The following FGF12 variants were observed in gnomAD, a reference collection of about 807,000 sequenced individuals.
FGF12 encodes fibroblast growth factor 12, also known as fibroblast growth factor 12B.
A neutral mutation model predicts 23.6 loss-of-function variants in FGF12; 14 were observed. That is an observed-to-expected ratio of 0.59 (90% CI 0.39 to 0.93). The LOEUF (loss-of-function observed/expected upper bound fraction) is 0.93. Among genes scored for constraint, FGF12 ranks in the 40% least tolerant of loss-of-function variants. The pLI, the probability that FGF12 is intolerant of heterozygous loss-of-function variation, is 0.00. For synonymous variants in FGF12, 62 were observed against 77.3 expected, an observed-to-expected ratio of 0.80 and a Z score of 1.04; for missense variants, 175 against 217.8, an observed-to-expected ratio of 0.80 and a Z score of 1.24.
At chr3:192,462,697 C>T (rs1283089201) in intron 2 of FGF12, among the ~76,000 whole-genome samples, 4 of 152,110 alleles carry the variant, frequency 2.6e-5, no homozygotes, top group African/African-American at 9.7e-5. Flanking sequence ...TTTAATATGA[C>T]AGTTCACTGA....
At chr3:192,346,714 G>T (rs1281893651) in intron 3 of FGF12, among the ~76,000 whole-genome samples, 1 of 152,116 alleles carries the variant, frequency 6.6e-6, no homozygotes, top group Non-Finnish European at 1.5e-5. Flanking sequence ...TGTGGTAGCT[G>T]CCTGAAACAA....
At position 192,727,168 on chromosome 3, in the gene FGF12, G is replaced by T; in HGVS notation, c.13+13C>A. On this transcript the variant is annotated intron_variant, in intron 2 of 5. Transcript: ENST00000445105. Reference sequence around the variant, plus strand: ...ATGCAGCGGGAAGTCCCCCGATAGGGACAACCACATACCTTTGCTCTCCAT... The same window carrying T: ...ATGCAGCGGGAAGTCCCCCGATAGGTACAACCACATACCTTTGCTCTCCAT... 1 of 1,576,664 alleles carries T rather than the reference G, an allele frequency of 6.3e-7. No individual in the cohort carries two copies. Among genetic ancestry groups the T allele is most frequent in the Non-Finnish European group, 8.6e-7 (1 of 1,161,046 alleles).
At chr3:192,488,514 A>T (rs545968737) in intron 2 of FGF12, among the ~76,000 whole-genome samples, 1 of 152,170 alleles carries the variant, frequency 6.6e-6, no homozygotes, top group East Asian at 1.9e-4. Context: ...TATCAATACC[A>T]CATTGGAAAT....
chr3:192,356,675 T>C (rs1163671865), intron 3 of FGF12, among the ~76,000 whole-genome samples: 15 of 152,228 alleles, frequency 9.9e-5, no homozygotes, highest in Admixed American at 8.5e-4. Context: ...CTGTGAAATA[T>C]ACCATGGTAA....
chr3:192,634,493 C>T (rs1315495910), intron 2 of FGF12, among the ~76,000 whole-genome samples: 1 of 152,152 alleles, frequency 6.6e-6, no homozygotes, highest in Admixed American at 6.5e-5. Context: ...AGGACTTGCG[C>T]ATCCATGGAT....
intron 4 of FGF12, among the ~76,000 whole-genome samples, chr3:192,330,280 A>C (rs1383608097): frequency 1.3e-5 from 2 of 152,188 alleles, no homozygotes; most frequent in Non-Finnish European, 2.9e-5. Flanking sequence ...CCATCTTAAG[A>C]AAAAATAAAT....
chr3:192,659,516 A>G (rs895777440), intron 2 of FGF12, among the ~76,000 whole-genome samples: 2 of 152,142 alleles, frequency 1.3e-5, no homozygotes, highest in African/African-American at 2.4e-5. Context: ...TCCCACATAT[A>G]TTACAATAAG....
chr3:192,155,763 C>G (rs978118129), intron 5 of FGF12, among the ~76,000 whole-genome samples: 2 of 152,162 alleles, frequency 1.3e-5, no homozygotes, highest in African/African-American at 4.8e-5. Context: ...TTAGGGGAAA[C>G]CTTTAGCAAG....
At chr3:192,288,126 G>C (rs956563943) in intron 4 of FGF12, among the ~76,000 whole-genome samples, 5 of 152,044 alleles carry the variant, frequency 3.3e-5, no homozygotes, top group African/African-American at 1.2e-4. Flanking sequence ...CATAACTTTG[G>C]GTAGAAGTGA....
Position 192,509,062 on chromosome 3 carries a change from G to GTT in FGF12, c.14-148526_14-148525dup, listed in dbSNP as rs111442568. Reference sequence around the variant, plus strand: ...ACCTAGATACAATCAATCCTGAAGGGTTTTTTTTTTTGCTAAATTGGAAAA... The same window carrying GTT: ...ACCTAGATACAATCAATCCTGAAGGGTTTTTTTTTTTTTGCTAAATTGGAAAA... On this transcript the variant is annotated intron_variant, in intron 2 of 5. Transcript: ENST00000445105. Among the ~76,000 whole-genome samples the GTT allele has an allele frequency of 5.0e-3, 733 of 145,532 alleles. 6 individuals carry two copies. The highest frequency in any genetic ancestry group is 0.017 in the African/African-American group (686 of 39,852).
At chr3:192,265,641 G>C (rs1713033433) in intron 4 of FGF12, among the ~76,000 whole-genome samples, 1 of 151,752 alleles carries the variant, frequency 6.6e-6, no homozygotes, top group African/African-American at 2.4e-5. Flanking sequence ...ATCTATAAAT[G>C]AGTTTTTTTT....
chr3:192,630,481 G>C (rs933242703), intron 2 of FGF12, among the ~76,000 whole-genome samples: 1 of 150,536 alleles, frequency 6.6e-6, no homozygotes, highest in Non-Finnish European at 1.5e-5. Flanking sequence ...CCTAACAAAG[G>C]CTGAACTAGA....
chr3:192,224,483 T>C (rs1718629904), intron 4 of FGF12, among the ~76,000 whole-genome samples: 1 of 152,136 alleles, frequency 6.6e-6, no homozygotes, highest in South Asian at 2.1e-4. Flanking sequence ...CTCTTAGATC[T>C]GCCATTTTAT....
At chr3:192,493,972 A>T (rs2036379) in intron 2 of FGF12, among the ~76,000 whole-genome samples, 96,887 of 152,036 alleles carry the variant, frequency 0.64, 32,400 homozygotes, top group Non-Finnish European at 0.74. Flanking sequence ...CCAAGGACAC[A>T]GTTCTGACTC....
At chr3:192,277,952 G>A (rs1241664999) in intron 4 of FGF12, among the ~76,000 whole-genome samples, 5 of 152,064 alleles carry the variant, frequency 3.3e-5, no homozygotes, top group Non-Finnish European at 7.4e-5. Context: ...TAGTAGAGAC[G>A]GGGTTTCGCC....
At chr3:192,438,955 C>G (rs1183470432) in intron 2 of FGF12, among the ~76,000 whole-genome samples, 1 of 152,148 alleles carries the variant, frequency 6.6e-6, no homozygotes, top group African/African-American at 2.4e-5. Flanking sequence ...TGTGGGTAAG[C>G]CCCCACCTTG....
chr3:192,499,535 T>A (rs1326471179), intron 2 of FGF12, among the ~76,000 whole-genome samples: 1 of 106,996 alleles, frequency 9.3e-6, no homozygotes, highest in Non-Finnish European at 1.9e-5. Context: ...TTTTTTTTTT[T>A]TTTTTTTTTT....
intron 2 of FGF12, among the ~76,000 whole-genome samples, chr3:192,555,510 C>T (rs551572382): frequency 1.8e-4 from 27 of 151,802 alleles, no homozygotes; most frequent in African/African-American, 6.3e-4. Context: ...TGTCCAGGCA[C>T]AGTGGCTCAC....
intron 2 of FGF12, among the ~76,000 whole-genome samples, chr3:192,577,027 A>AG (rs1396066050): frequency 5.3e-5 from 8 of 152,046 alleles, no homozygotes; most frequent in Non-Finnish European, 8.8e-5. Flanking sequence ...GGACACAGGG[A>AG]GGGAACATCA....
Sources: gnomAD v4.1 joint callset for allele counts (sites outside exome capture counted in the v4.1 genomes callset) on GRCh38, gnomAD v4.1.1 for gene constraint, MANE v1.5 for transcripts, NCBI Gene and HGNC (gene_info 2026-07-23, HGNC 2026-07-21) for gene names.